The following HCRTR2 variants were observed in gnomAD, a reference collection of about 807,000 sequenced individuals.
The protein encoded by HCRTR2 is hypocretin receptor 2.
In HCRTR2, 22 loss-of-function variants were observed where a neutral mutation model predicts 49.0. The ratio of observed to expected loss-of-function variants is 0.45; its 90% CI spans 0.32 to 0.64. HCRTR2 has a LOEUF of 0.64. Among genes scored for constraint, HCRTR2 ranks in the 30% least tolerant of loss-of-function variants. The probability of loss-of-function intolerance (pLI) is 0.04; values close to 1 mark genes in which losing one functional copy is unlikely to be tolerated. For missense variants in HCRTR2, 491 were observed against 559.4 expected, an observed-to-expected ratio of 0.88 and a Z score of 1.23; for synonymous variants, 236 against 205.3, an observed-to-expected ratio of 1.15 and a Z score of -1.28.
At chr6:55,254,905 C>T (rs1187666371) in intron 2 of HCRTR2, among the ~76,000 whole-genome samples, 1 of 151,934 alleles carries the variant, frequency 6.6e-6, no homozygotes, top group East Asian at 1.9e-4. Flanking sequence ...AAGTTTTCAT[C>T]ATACCTTTTC....
At chr6:55,132,990 A>G (rs1764380426) in intron 1 of HCRTR2, among the ~76,000 whole-genome samples, 2 of 151,798 alleles carry the variant, frequency 1.3e-5, no homozygotes, top group South Asian at 4.1e-4. Flanking sequence ...GTTATATTCA[A>G]ACAATCCTTA....
intron 1 of HCRTR2, among the ~76,000 whole-genome samples, chr6:55,195,840 T>C (rs3134694): frequency 0.27 from 40,588 of 151,642 alleles, 5,861 homozygotes; most frequent in African/African-American, 0.36. Context: ...TGGTGGTGGG[T>C]GCCTGTAGTC....
At chr6:55,142,459 C>T (rs532987334) in intron 1 of HCRTR2, among the ~76,000 whole-genome samples, 5 of 151,312 alleles carry the variant, frequency 3.3e-5, no homozygotes, top group African/African-American at 9.7e-5. Context: ...CCACCCGCTT[C>T]GGCCTCTAAA....
At chr6:55,170,555 A>G (rs1162102972), upstream of HCRTR2, among the ~76,000 whole-genome samples, 1 of 151,764 alleles carries the variant, frequency 6.6e-6, no homozygotes, top group Non-Finnish European at 1.5e-5. Context: ...TATTTGCAGT[A>G]GGATATCACA....
chr6:55,173,796 C>G (rs1468669101), upstream of HCRTR2, among the ~76,000 whole-genome samples: 2 of 152,214 alleles, frequency 1.3e-5, no homozygotes, highest in African/African-American at 4.8e-5. Context: ...ATAGACCCTT[C>G]AGTTTAAAAA....
At chr6:55,126,534 G>T (rs990444314) in intron 1 of HCRTR2, among the ~76,000 whole-genome samples, 3 of 152,208 alleles carry the variant, frequency 2.0e-5, no homozygotes, top group African/African-American at 4.8e-5. Context: ...TGAGGTGTCT[G>T]TCAGCCCCTA....
intron 1 of HCRTR2, among the ~76,000 whole-genome samples, chr6:55,216,107 T>C (rs1041469166): frequency 6.6e-6 from 1 of 152,156 alleles, no homozygotes; most frequent in African/African-American, 2.4e-5. Flanking sequence ...CATTAAGCCA[T>C]TAGCCCATTA....
chr6:55,248,516 C>T, intron 1 of HCRTR2, 123 bp from the exon 2 acceptor site: 1 of 798,504 alleles, frequency 1.3e-6, no homozygotes, highest in East Asian at 2.7e-5. Context: ...AAACACGGCA[C>T]AGCCTTCAAT....
intron 1 of HCRTR2, among the ~76,000 whole-genome samples, chr6:55,178,642 G>A (rs942695445): frequency 2.6e-5 from 4 of 152,108 alleles, no homozygotes; most frequent in African/African-American, 4.8e-5. Context: ...TATCTCTGTA[G>A]CTCTTTATGG....
intron 1 of HCRTR2, among the ~76,000 whole-genome samples, chr6:55,203,506 C>G (rs747254849): frequency 6.6e-6 from 1 of 152,042 alleles, no homozygotes; most frequent in African/African-American, 2.4e-5. Context: ...ACAATAAGAA[C>G]AAGTAGTAAG....
At chr6:55,138,628 C>A (rs1764463423) in intron 1 of HCRTR2, among the ~76,000 whole-genome samples, 1 of 152,142 alleles carries the variant, frequency 6.6e-6, no homozygotes, top group Non-Finnish European at 1.5e-5. Context: ...CAGTCCTCAC[C>A]TTTACATTTT....
At chr6:55,141,843 C>T (rs4515389) in intron 1 of HCRTR2, among the ~76,000 whole-genome samples, 93,835 of 151,998 alleles carry the variant, frequency 0.62, 30,073 homozygotes, top group African/African-American at 0.72. Flanking sequence ...AAATATTACA[C>T]ATGTACAAAG....
At chr6:55,257,071 A>G (rs1212711578) in intron 3 of HCRTR2, among the ~76,000 whole-genome samples, 1 of 152,112 alleles carries the variant, frequency 6.6e-6, no homozygotes, top group Admixed American at 6.6e-5. Flanking sequence ...GATGTCCAGA[A>G]AGCAAGAAAA....
chr6:55,262,937 A>T (rs2127322472), intron 3 of HCRTR2, among the ~76,000 whole-genome samples: 1 of 151,524 alleles, frequency 6.6e-6, no homozygotes, highest in East Asian at 1.9e-4. Context: ...ATTATAAATA[A>T]AAAATTACTA....
chr6:55,174,848 AC>A (rs1389038560), intron 1 of HCRTR2, 38 bp downstream of exon 1: 2 of 1,538,608 alleles, frequency 1.3e-6, no homozygotes, highest in East Asian at 2.3e-5. Flanking sequence ...AGGGGCTATC[AC>A]CCCCTCTCCG....
At chr6:55,112,444 A>T (rs182384382) in intron 1 of HCRTR2, among the ~76,000 whole-genome samples, 3 of 151,822 alleles carry the variant, frequency 2.0e-5, no homozygotes, top group Admixed American at 2.0e-4. Context: ...AATTCAGTAA[A>T]GTTTCAGGAT....
In HCRTR2 at chr6:55,150,488, C is replaced by T. The variant is rs753766597; in HGVS notation, c.-377-23723C>T. On this transcript the variant is annotated intron_variant, in intron 1 of 7. Coordinates refer to the HCRTR2 transcript ENST00000615358. ...TGAGACTTTCTACCCTTTGGTTACA[C>T]CTCCCCATTTCCACCTCCCCCGGCC... Among the ~76,000 whole-genome samples the T allele has an allele frequency of 5.3e-5, 8 of 152,026 alleles. No individual in the cohort carries two copies. The East Asian group carries it at 1.4e-3, about 26-fold the overall frequency.
intron 5 of HCRTR2, among the ~76,000 whole-genome samples, chr6:55,279,520 AACAC>A (rs34736199): frequency 0.024 from 3,405 of 142,692 alleles, 138 homozygotes; most frequent in African/African-American, 0.078. Context: ...TTCTTGCTGT[AACAC>A]ACACACACAC....
intron 1 of HCRTR2, among the ~76,000 whole-genome samples, chr6:55,154,566 A>T (rs921734885): frequency 4.0e-5 from 6 of 151,830 alleles, no homozygotes; most frequent in African/African-American, 1.4e-4. Context: ...ACAAACTTTG[A>T]CGTTGTTGAG....
Sources: allele counts gnomAD v4.1 joint callset (sites outside exome capture counted in the v4.1 genomes callset), GRCh38; gene constraint gnomAD v4.1.1; transcripts MANE v1.5; gene names NCBI Gene and HGNC (gene_info 2026-07-23, HGNC 2026-07-21).